UMAD1: variants seen among roughly 807,000 people sequenced by gnomAD.
The protein encoded by UMAD1 is UBAP1-MVB12-associated (UMA)-domain containing protein 1.
UMAD1 carries 8 observed loss-of-function variants against 6.1 expected under a neutral mutation model. The observed-to-expected ratio is 1.30, with a 90% confidence interval of 0.76 to 2.35. The LOEUF is 2.35. Among genes scored for constraint, UMAD1 ranks in the 30% most tolerant of loss-of-function variants. The pLI, the probability that UMAD1 is intolerant of heterozygous loss-of-function variation, is 0.00. For missense variants in UMAD1, 130 were observed against 78.4 expected, an observed-to-expected ratio of 1.66 and a Z score of -2.49; for synonymous variants, 56 against 31.4, an observed-to-expected ratio of 1.78 and a Z score of -2.61.
At chr7:7,777,278 G>A (rs531265309) in intron 2 of UMAD1, among the ~76,000 whole-genome samples, 2 of 151,510 alleles carry the variant, frequency 1.3e-5, no homozygotes, top group Non-Finnish European at 1.5e-5. Context: ...TGGCTGAGGC[G>A]GGCAAATCAC....
At chr7:7,642,119 A>G (rs554676347) in intron 1 of UMAD1, among the ~76,000 whole-genome samples, 3 of 152,172 alleles carry the variant, frequency 2.0e-5, no homozygotes, top group Non-Finnish European at 4.4e-5. Context: ...AGGGGAGAGT[A>G]CACACATCAA....
At chr7:7,706,107 AG>A (rs1317121119) in intron 2 of UMAD1, among the ~76,000 whole-genome samples, 1 of 152,224 alleles carries the variant, frequency 6.6e-6, no homozygotes, top group Non-Finnish European at 1.5e-5. Context: ...TGATGGAGTC[AG>A]GATGCTACAA....
chr7:7,746,756 T>G (rs1322150814), intron 2 of UMAD1, among the ~76,000 whole-genome samples: 3 of 152,252 alleles, frequency 2.0e-5, no homozygotes, highest in African/African-American at 7.2e-5. Context: ...CTCAGATGTT[T>G]CACACCTTTA....
chr7:7,678,401 C>G (rs1199707114), intron 2 of UMAD1, among the ~76,000 whole-genome samples: 1 of 141,238 alleles, frequency 7.1e-6, no homozygotes, highest in African/African-American at 2.6e-5. Context: ...AATAGCTATT[C>G]AGATATATAA....
At chr7:7,782,897 T>C in intron 2 of UMAD1, among the ~76,000 whole-genome samples, 1 of 151,284 alleles carries the variant, frequency 6.6e-6, no homozygotes, top group East Asian at 1.9e-4. Flanking sequence ...ACCCAGCTAA[T>C]ATTTTTTGTA....
intron 3 of UMAD1, among the ~76,000 whole-genome samples, chr7:7,838,272 T>C (rs1322165725): frequency 6.6e-6 from 1 of 152,126 alleles, no homozygotes; most frequent in African/African-American, 2.4e-5. Flanking sequence ...GCTAAACAGA[T>C]TGAGTCCACA....
chr7:7,817,103 T>C (rs1020142445), intron 3 of UMAD1, among the ~76,000 whole-genome samples: 1 of 152,234 alleles, frequency 6.6e-6, no homozygotes, highest in African/African-American at 2.4e-5. Flanking sequence ...TCCTTTCTCT[T>C]GAAGTTTGTG....
At chr7:7,660,483 G>T (rs911877161) in intron 1 of UMAD1, among the ~76,000 whole-genome samples, 1 of 152,180 alleles carries the variant, frequency 6.6e-6, no homozygotes, top group South Asian at 2.1e-4. Context: ...AGGAGTTCTT[G>T]TAAGGCAGGC....
chr7:7,734,809 A>G (rs1323339755), intron 2 of UMAD1, among the ~76,000 whole-genome samples: 2 of 152,156 alleles, frequency 1.3e-5, no homozygotes, highest in African/African-American at 4.8e-5. Flanking sequence ...ATGATATGCT[A>G]GCTAACTTTA....
chr7:7,726,844 C>T (rs1364159210), intron 2 of UMAD1, among the ~76,000 whole-genome samples: 1 of 152,168 alleles, frequency 6.6e-6, no homozygotes, highest in Non-Finnish European at 1.5e-5. Flanking sequence ...ACAGTGTTGG[C>T]TGGGGTGATT....
rs1563108066 is a variant in UMAD1 at position 7,673,350 on chromosome 7, AGCAGCAGC to A, written c.-21_-14del. On this transcript the variant is annotated 5_prime_UTR_variant, in exon 2 of 4. Coordinates refer to ENST00000682710, the MANE Select transcript of UMAD1 (RefSeq NM_001302348.2). ...CAGCAGCAGCAGCAGCAGCAGCAGC[AGCAGCAGC>A]AGCAGCAGCAGCAATGTTTCACTTC... is the stretch of plus-strand genomic sequence containing the variant. 2.3e-6 allele frequency: 3 copies of A among 1,280,660 alleles called. No individual in the cohort carries two copies. Among genetic ancestry groups the A allele is most frequent in the Non-Finnish European group, 3.3e-6 (3 of 913,680 alleles). 79.3% of individuals were successfully genotyped at this position (1,280,660 alleles called of 1,614,324 possible). A position where few individuals can be genotyped will look rare whatever the true frequency, so the allele number is the denominator to read the frequency against.
intron 1 of UMAD1, among the ~76,000 whole-genome samples, chr7:7,648,258 A>T (rs1163062244): frequency 6.6e-6 from 1 of 152,240 alleles, no homozygotes; most frequent in Non-Finnish European, 1.5e-5. Flanking sequence ...TTGACAGATC[A>T]TGAGTGATTT....
At chr7:7,794,725 T>C (rs937988190) in intron 2 of UMAD1, among the ~76,000 whole-genome samples, 3 of 152,194 alleles carry the variant, frequency 2.0e-5, no homozygotes, top group Non-Finnish European at 4.4e-5. Context: ...CTAGAATATA[T>C]TTCCTTGACA....
chr7:7,868,319 C>T (rs1238483596), intron 3 of UMAD1: 1 of 152,112 alleles, frequency 6.6e-6, no homozygotes, highest in Non-Finnish European at 1.5e-5. Context: ...TCCACCGCGC[C>T]CCCACTCTAG....
chr7:7,726,820 C>T (rs1383504887), intron 2 of UMAD1, among the ~76,000 whole-genome samples: 1 of 152,128 alleles, frequency 6.6e-6, no homozygotes, highest in Non-Finnish European at 1.5e-5. Context: ...AGTCAACAGT[C>T]TAAGGAGGGA....
At chr7:7,819,083 C>G (rs1783188910) in intron 3 of UMAD1, among the ~76,000 whole-genome samples, 1 of 152,166 alleles carries the variant, frequency 6.6e-6, no homozygotes, top group Non-Finnish European at 1.5e-5. Context: ...CTCCTGACCC[C>G]AGGTGATCCA....
intron 3 of UMAD1, among the ~76,000 whole-genome samples, chr7:7,827,311 C>T (rs1385808867): frequency 6.6e-6 from 1 of 152,002 alleles, no homozygotes; most frequent in East Asian, 1.9e-4. Context: ...ATTGCTGTGG[C>T]TGCAGTGGCC....
At chr7:7,720,676 A>C (rs755834439) in intron 2 of UMAD1, among the ~76,000 whole-genome samples, 2 of 152,314 alleles carry the variant, frequency 1.3e-5, no homozygotes, top group Middle Eastern at 6.8e-3. Context: ...AGAAGAAGCC[A>C]ATTTGTTTTT....
intron 2 of UMAD1, among the ~76,000 whole-genome samples, chr7:7,747,694 C>T (rs1330534540): frequency 6.6e-6 from 1 of 152,132 alleles, no homozygotes; most frequent in East Asian, 1.9e-4. Flanking sequence ...AGCATTGAGT[C>T]CACTAGGTCA....
Sources: allele counts gnomAD v4.1 joint callset (sites outside exome capture counted in the v4.1 genomes callset), GRCh38; gene constraint gnomAD v4.1.1; transcripts MANE v1.5; gene names NCBI Gene and HGNC (gene_info 2026-07-23, HGNC 2026-07-21).